COX10: variants seen among roughly 807,000 people sequenced by gnomAD.
COX10 encodes the protein protoheme IX farnesyltransferase, mitochondrial.
A neutral mutation model predicts 37.3 loss-of-function variants in COX10; 27 were observed. The observed-to-expected ratio is 0.72, with a 90% CI of 0.53 to 1.00. The LOEUF (loss-of-function observed/expected upper bound fraction) is 1.00, where lower values mean the gene tolerates loss of function less well. COX10 is among the 50% of genes least tolerant of loss of function. The pLI, the probability that COX10 is intolerant of heterozygous loss-of-function variation, is 0.00. For synonymous variants in COX10, 222 were observed against 229.1 expected, an observed-to-expected ratio of 0.97 and a Z score of 0.28; for missense variants, 475 against 563.2, an observed-to-expected ratio of 0.84 and a Z score of 1.59.
chr17:14,143,848 T>C (rs1170103463), intron 4 of COX10, among the ~76,000 whole-genome samples: 3 of 152,130 alleles, frequency 2.0e-5, no homozygotes, highest in Admixed American at 6.6e-5. Flanking sequence ...TCCCTTTCTC[T>C]CTGTTGTATA....
At chr17:14,155,139 A>G (rs1212215259) in intron 4 of COX10, among the ~76,000 whole-genome samples, 1 of 152,166 alleles carries the variant, frequency 6.6e-6, no homozygotes, top group Non-Finnish European at 1.5e-5. Context: ...TAATCAGGAT[A>G]TGGTGATGAA....
chr17:14,105,629 T>C (rs144263192), intron 4 of COX10, among the ~76,000 whole-genome samples: 74 of 152,280 alleles, frequency 4.9e-4, no homozygotes, highest in African/African-American at 1.7e-3. Context: ...ATTTAAAACA[T>C]GTATCATGCA....
intron 6 of COX10, among the ~76,000 whole-genome samples, chr17:14,198,727 GA>G (rs1906441571): frequency 6.6e-6 from 1 of 152,114 alleles, no homozygotes; most frequent in Admixed American, 6.5e-5. Flanking sequence ...CTTATTCCTG[GA>G]TGAGAAAGTA....
intron 3 of COX10, 118 bp downstream of exon 3, chr17:14,077,174 T>C (rs901131593): frequency 4.3e-6 from 4 of 922,626 alleles, no homozygotes; most frequent in African/African-American, 3.4e-5. Context: ...TGTCTTAGTA[T>C]TTTTCCTCTC....
At chr17:14,082,403 G>A (rs1471039028) in intron 3 of COX10, among the ~76,000 whole-genome samples, 1 of 152,204 alleles carries the variant, frequency 6.6e-6, no homozygotes, top group Non-Finnish European at 1.5e-5. Flanking sequence ...TCAGGGAATA[G>A]TGATTGCTGT....
chr17:14,204,197 C>G (rs779110764), intron 6 of COX10, among the ~76,000 whole-genome samples: 4 of 152,092 alleles, frequency 2.6e-5, no homozygotes, highest in Non-Finnish European at 4.4e-5. Context: ...AATGCAGACA[C>G]GTAAATGTCT....
intron 6 of COX10, among the ~76,000 whole-genome samples, chr17:14,198,346 C>G (rs536849463): frequency 1.3e-5 from 2 of 152,350 alleles, no homozygotes; most frequent in East Asian, 3.9e-4. Flanking sequence ...TGGGTTAAAT[C>G]TGCTCCCCCT....
chr17:14,160,078 T>C (rs1341108256), intron 5 of COX10, 131 bp downstream of exon 5: 9 of 793,672 alleles, frequency 1.1e-5, no homozygotes, highest in African/African-American at 1.0e-4. Flanking sequence ...CAAAGTGATA[T>C]GGAAATGCAA....
At chr17:14,076,240 T>A (rs1188243728) in intron 2 of COX10, among the ~76,000 whole-genome samples, 1 of 150,486 alleles carries the variant, frequency 6.6e-6, no homozygotes, top group Non-Finnish European at 1.5e-5. Flanking sequence ...TAGCTGGGAC[T>A]GTGGGCGTAT....
intron 6 of COX10, 50 bp from the exon 7 acceptor site, chr17:14,206,760 T>C (rs1906712734): frequency 6.2e-7 from 1 of 1,609,962 alleles, no homozygotes. Flanking sequence ...TTTGGAAATC[T>C]CTGGTGATGA....
In COX10 at chr17:14,206,812, G is replaced by T; in HGVS notation, c.931G>T (p.Ala311Ser). The T allele has an allele frequency of 6.2e-7, 1 of 1,614,112 alleles. No homozygotes were observed. ...CTCCTTCCCTGACCCCCGCACAGGC[G>T]CATTTCTCCTGGGAGGAATCCTCTA... ...TAATGSLDAGAFLLGGILYSW... is the reference protein window; with the variant it reads ...TAATGSLDAGSFLLGGILYSW... The change falls in exon 7 of 7, where the codon GCA becomes TCA. Residue 311 changes from alanine to serine, a missense_variant and splice_region_variant. By Grantham distance (99) the Ala-to-Ser change is moderately conservative. Around this residue, in one of 5 missense-constraint regions of COX10, gnomAD observed 17 missense variants for 36.3 expected, o/e 0.47. Coordinates refer to ENST00000261643, the MANE Select transcript of COX10 (RefSeq NM_001303.4).
intron 5 of COX10, among the ~76,000 whole-genome samples, chr17:14,174,856 A>G (rs1327998704): frequency 4.0e-5 from 6 of 151,110 alleles, no homozygotes; most frequent in African/African-American, 1.5e-4. Flanking sequence ...CAACCTAAAC[A>G]TCCCTCAGCT....
At chr17:14,090,070 G>A (rs1269468352) in intron 3 of COX10, among the ~76,000 whole-genome samples, 1 of 151,848 alleles carries the variant, frequency 6.6e-6, no homozygotes, top group South Asian at 2.1e-4. Context: ...CCTTCAGTGG[G>A]TGGCACTTTC....
At chr17:14,126,771 G>A (rs552710369) in intron 4 of COX10, among the ~76,000 whole-genome samples, 1 of 151,834 alleles carries the variant, frequency 6.6e-6, no homozygotes, top group Admixed American at 6.6e-5. Flanking sequence ...TTGATAACTT[G>A]GTGTTTTATT....
intron 5 of COX10, among the ~76,000 whole-genome samples, chr17:14,160,472 C>T (rs184511068): frequency 2.6e-5 from 4 of 152,148 alleles, no homozygotes; most frequent in Admixed American, 2.0e-4. Flanking sequence ...TTCCTGGAGA[C>T]CTCTAAACCG....
intron 5 of COX10, among the ~76,000 whole-genome samples, chr17:14,166,248 C>T (rs1300265087): frequency 2.0e-5 from 3 of 152,226 alleles, no homozygotes; most frequent in African/African-American, 7.2e-5. Flanking sequence ...CACTTCAAAA[C>T]TTCAAAGGAT....
At chr17:14,103,701 A>T (rs1915834610) in intron 4 of COX10, among the ~76,000 whole-genome samples, 1 of 152,132 alleles carries the variant, frequency 6.6e-6, no homozygotes, top group Admixed American at 6.5e-5. Flanking sequence ...ATTTATCATG[A>T]AAAAAACCTC....
At chr17:14,071,730 C>A (rs1198930832) in intron 1 of COX10, among the ~76,000 whole-genome samples, 139 of 113,158 alleles carry the variant, frequency 1.2e-3, no homozygotes, top group Middle Eastern at 4.8e-3. Context: ...CTAAAAATAC[C>A]AAAAAAAAAA....
chr17:14,113,425 T>C (rs1346526225), intron 4 of COX10, among the ~76,000 whole-genome samples: 1 of 152,144 alleles, frequency 6.6e-6, no homozygotes, highest in Non-Finnish European at 1.5e-5. Flanking sequence ...ATACAATGTT[T>C]ATATTATTTA....
Sources: allele counts gnomAD v4.1 joint callset (sites outside exome capture counted in the v4.1 genomes callset), GRCh38; gene constraint gnomAD v4.1.1; regional missense constraint gnomAD v4.1.1; transcripts MANE v1.5; gene names NCBI Gene and HGNC (gene_info 2026-07-23, HGNC 2026-07-21).